Variants in TENM4 observed in about 807,000 individuals in gnomAD.
The protein encoded by TENM4 is teneurin-4.
Under a neutral mutation model 243.3 loss-of-function variants are expected in TENM4, and 82 were observed. The observed-to-expected ratio is 0.34, with a 90% CI of 0.28 to 0.40. TENM4 has a LOEUF of 0.40. Among genes scored for constraint, TENM4 ranks in the 10% least tolerant of loss-of-function variants. The pLI is 1.00. For missense variants in TENM4, 3,138 were observed against 3,673.3 expected (o/e 0.85, Z 3.77); for synonymous variants, 1,412 against 1,456.3 (o/e 0.97, Z 0.69).
chr11:79,217,046 C>T (rs1025686022), intron 2 of TENM4, among the ~76,000 whole-genome samples: 1 of 152,164 alleles, frequency 6.6e-6, no homozygotes, highest in Non-Finnish European at 1.5e-5. Context: ...AAATTCTGAA[C>T]TGGGGGACAC....
intron 18 of TENM4, among the ~76,000 whole-genome samples, chr11:78,767,450 T>C (rs944397903): frequency 2.6e-5 from 4 of 152,238 alleles, no homozygotes; most frequent in Non-Finnish European, 4.4e-5. Context: ...AGGTGGAGGA[T>C]AAATCACTAG....
At chr11:78,689,549 A>G (rs532384274) in intron 28 of TENM4, among the ~76,000 whole-genome samples, 2 of 151,858 alleles carry the variant, frequency 1.3e-5, no homozygotes, top group Non-Finnish European at 2.9e-5. Flanking sequence ...GGTTTTCACA[A>G]TGGGGCAATG....
At position 78,863,178 on chromosome 11, in the gene TENM4, A is replaced by G. The variant is rs969185598; in HGVS notation, c.1085-46T>C. 2.8e-6 allele frequency: 4 copies of G among 1,443,138 alleles called. No homozygotes were observed. The Admixed American group carries it at 6.6e-5, about 24-fold the overall frequency. The allele number at this position is 1,443,138 out of a possible 1,614,324, so 89.4% of individuals were successfully genotyped here. On this transcript the variant is annotated intron_variant, in intron 9 of 33. Coordinates refer to ENST00000278550, the MANE Select transcript of TENM4 (RefSeq NM_001098816.3). The stretch of plus-strand genomic sequence containing the variant: ...AGTCATCTTTTTCTGCTGGAGGCAG[A>G]AACGGGACTCCCAAGCCATAAGGGA...
At chr11:78,736,489 T>TGCGC (rs1491061879) in intron 20 of TENM4, among the ~76,000 whole-genome samples, 2 of 150,182 alleles carry the variant, frequency 1.3e-5, no homozygotes, top group African/African-American at 4.9e-5. Flanking sequence ...TGCGCGCGCG[T>TGCGC]GCATGTGAGT....
At chr11:79,293,339 T>C (rs1856388225) in intron 2 of TENM4, among the ~76,000 whole-genome samples, 1 of 151,888 alleles carries the variant, frequency 6.6e-6, no homozygotes, top group African/African-American at 2.4e-5. Context: ...AAACCCCATC[T>C]CTACTAAAAA....
chr11:79,083,635 G>A (rs931298635), intron 4 of TENM4, among the ~76,000 whole-genome samples: 11 of 152,150 alleles, frequency 7.2e-5, no homozygotes, highest in Admixed American at 7.2e-4. Context: ...CATTCTGATA[G>A]TGAGCTGAAA....
intron 3 of TENM4, among the ~76,000 whole-genome samples, chr11:79,205,910 G>A (rs887216939): frequency 1.4e-4 from 21 of 152,232 alleles, no homozygotes; most frequent in African/African-American, 2.7e-4. Context: ...TGCAGCCACC[G>A]TGCTGAGAAG....
At chr11:78,707,593 C>G (rs1331019845) in intron 27 of TENM4, among the ~76,000 whole-genome samples, 1 of 152,260 alleles carries the variant, frequency 6.6e-6, no homozygotes, top group Non-Finnish European at 1.5e-5. Context: ...CATCTTTGTG[C>G]CTTTGCACAT....
rs542717142 is a variant in TENM4 at position 79,212,773 on chromosome 11, G to A, written c.-163+3035C>T. ...CTCCACAGTGTTTGCAACACCTCCC[G>A]ATTTAGTTTTCTCTCTGAATTTCAT... is the stretch of plus-strand genomic sequence containing the variant. On this transcript the variant is annotated intron_variant, in intron 3 of 33. Coordinates refer to ENST00000278550, the MANE Select transcript of TENM4 (RefSeq NM_001098816.3). Among the ~76,000 whole-genome samples the A allele has an allele frequency of 8.5e-5, 13 of 152,160 alleles. No homozygotes were observed. In the South Asian group the frequency reaches 2.7e-3, roughly 32 times the overall value.
chr11:79,226,697 T>C (rs1864273106), intron 2 of TENM4, among the ~76,000 whole-genome samples: 1 of 152,200 alleles, frequency 6.6e-6, no homozygotes, highest in African/African-American at 2.4e-5. Context: ...TGAGCAAGAT[T>C]TGATGACTAC....
At chr11:78,828,698 A>G (rs570537788) in intron 12 of TENM4, among the ~76,000 whole-genome samples, 21 of 152,386 alleles carry the variant, frequency 1.4e-4, no homozygotes, top group African/African-American at 5.0e-4. Flanking sequence ...AATATTTTAT[A>G]GCTGCTCTAG....
At chr11:79,292,820 T>G (rs1856378950) in intron 2 of TENM4, among the ~76,000 whole-genome samples, 1 of 152,264 alleles carries the variant, frequency 6.6e-6, no homozygotes, top group Non-Finnish European at 1.5e-5. Flanking sequence ...AATAATAGTA[T>G]CTATCTTATA....
At chr11:79,409,165 T>C (rs1231830061) in intron 1 of TENM4, among the ~76,000 whole-genome samples, 1 of 149,712 alleles carries the variant, frequency 6.7e-6, no homozygotes, top group Non-Finnish European at 1.5e-5. Context: ...TAGAATAAGC[T>C]GTAGAGATAA....
Position 78,676,659 on chromosome 11 carries a change from A to C in TENM4, c.5261-272T>G, listed in dbSNP as rs1858486026. Among the ~76,000 whole-genome samples, 2 of 152,260 alleles carry C rather than the reference A, an allele frequency of 1.3e-5. 1 individual carries two copies. Among genetic ancestry groups the C allele is most frequent in the African/African-American group, 4.8e-5 (2 of 41,476 alleles). On this transcript the variant is annotated intron_variant, in intron 29 of 33. Coordinates refer to ENST00000278550, the MANE Select transcript of TENM4 (RefSeq NM_001098816.3). The stretch of plus-strand genomic sequence containing the variant: ...ACAGTTTAAAATAGGTAAGAGTTTT[A>C]AAACAGTTATACAGTTTTTCACTGA...
chr11:79,413,647 T>C (rs1858749706), intron 1 of TENM4, among the ~76,000 whole-genome samples: 1 of 152,062 alleles, frequency 6.6e-6, no homozygotes, highest in Non-Finnish European at 1.5e-5. Context: ...CCAAATGTAA[T>C]GCATAAATCT....
chr11:78,870,267 A>G (rs527571589), intron 9 of TENM4, among the ~76,000 whole-genome samples: 24 of 152,166 alleles, frequency 1.6e-4, no homozygotes, highest in Non-Finnish European at 3.4e-4. Context: ...CCTAATTCCT[A>G]TATCTACTGA....
rs1864386404 is a variant in TENM4, at chr11:79,232,202, C to T, written c.-264-16293G>A. Reference sequence around the variant, plus strand: ...TAGAGCCAAGGGTTCCAACCCAGTTCTTCAGGGTTCTGGGTCATGCTTTCT... The same window carrying T: ...TAGAGCCAAGGGTTCCAACCCAGTTTTTCAGGGTTCTGGGTCATGCTTTCT... On this transcript the variant is annotated intron_variant, in intron 2 of 33. Coordinates refer to ENST00000278550, the MANE Select transcript of TENM4 (RefSeq NM_001098816.3). Among the ~76,000 whole-genome samples the T allele has an allele frequency of 1.3e-5, 2 of 152,260 alleles. 1 individual carries two copies. Among genetic ancestry groups the T allele is most frequent in the South Asian group, 4.1e-4 (2 of 4,832 alleles).
intron 4 of TENM4, among the ~76,000 whole-genome samples, chr11:79,146,308 G>C (rs549271267): frequency 1.3e-5 from 2 of 152,248 alleles, no homozygotes; most frequent in East Asian, 3.9e-4. Context: ...GTGAGCCACT[G>C]TCTGGAGAAC....
chr11:78,858,118 C>T (rs973478344), intron 10 of TENM4, among the ~76,000 whole-genome samples: 3 of 152,120 alleles, frequency 2.0e-5, no homozygotes, highest in Non-Finnish European at 4.4e-5. Flanking sequence ...AAAACTGCTC[C>T]CCCATTTTAG....
Sources: gnomAD v4.1 joint callset for allele counts (sites outside exome capture counted in the v4.1 genomes callset) on GRCh38, gnomAD v4.1.1 for gene constraint, MANE v1.5 for transcripts, NCBI Gene and HGNC (gene_info 2026-07-23, HGNC 2026-07-21) for gene names.